OPHN1: variants seen among roughly 807,000 people sequenced by gnomAD.
OPHN1 encodes the protein oligophrenin-1.
A neutral mutation model predicts 60.7 loss-of-function variants in OPHN1; 11 were observed. The observed-to-expected ratio is 0.18, with a 90% confidence interval of 0.11 to 0.30. The LOEUF (loss-of-function observed/expected upper bound fraction) is 0.30. Among genes scored for constraint, OPHN1 ranks in the 10% least tolerant of loss-of-function variants. OPHN1 has a pLI of 1.00. For synonymous variants in OPHN1, 226 were observed against 222.6 expected (o/e 1.02, Z -0.14); for missense variants, 449 against 611.0 (o/e 0.73, Z 2.80).
At chrX:68,159,982 T>C (rs1327068687) in intron 15 of OPHN1, among the ~76,000 whole-genome samples, 1 of 103,011 alleles carries the variant, frequency 9.7e-6, no homozygotes, top group African/African-American at 3.7e-5. Flanking sequence ...GGCACATATT[T>C]TCAGACTGGA....
intron 2 of OPHN1, among the ~76,000 whole-genome samples, chrX:68,327,817 A>T (rs868122803): frequency 1.3e-4 from 12 of 91,183 alleles, no homozygotes; most frequent in South Asian, 4.5e-4. Context: ...AAAAAAAAAA[A>T]TTTTAAACTT....
At chrX:68,317,447 AAG>A (rs1392615351) in intron 2 of OPHN1, among the ~76,000 whole-genome samples, 5 of 97,647 alleles carry the variant, frequency 5.1e-5, no homozygotes, top group Non-Finnish European at 8.2e-5. Flanking sequence ...AGAAAAGAAA[AAG>A]AGAAGAAGAA....
intron 18 of OPHN1, among the ~76,000 whole-genome samples, chrX:68,100,570 A>G (rs1466750266): frequency 9.1e-6 from 1 of 110,414 alleles, no homozygotes; most frequent in African/African-American, 3.3e-5. Flanking sequence ...GGGGTGATGG[A>G]CACATAATAC....
rs180839395 is a variant in OPHN1 at position 68,366,280 on chromosome X, G to A, written c.154+66587C>T. On this transcript the variant is annotated intron_variant, in intron 2 of 24. Transcript: ENST00000355520. Reference sequence around the variant, plus strand: ...CCAGGTGAGGCCTGGCAATCATAGTGATAATGATGGTGATATGATAATTAA... The same window carrying A: ...CCAGGTGAGGCCTGGCAATCATAGTAATAATGATGGTGATATGATAATTAA... Among the ~76,000 whole-genome samples, 224 of 111,044 alleles carry A rather than the reference G, an allele frequency of 2.0e-3. 2 individuals are homozygous for A. Among genetic ancestry groups the A allele is most frequent in the Non-Finnish European group, 1.5e-3 (78 of 53,041 alleles).
At chrX:68,163,203 C>A (rs1050277429) in intron 15 of OPHN1, among the ~76,000 whole-genome samples, 2 of 111,337 alleles carry the variant, frequency 1.8e-5, no homozygotes, top group African/African-American at 6.5e-5. Context: ...TCTTAAAATG[C>A]ACAGTTAGAA....
intron 15 of OPHN1, among the ~76,000 whole-genome samples, chrX:68,166,353 G>A (rs1337269851): frequency 9.1e-6 from 1 of 110,493 alleles, no homozygotes; most frequent in Non-Finnish European, 1.9e-5. Context: ...GGCCAACATG[G>A]TGAAACCCCA....
intron 3 of OPHN1, among the ~76,000 whole-genome samples, chrX:68,289,466 A>G (rs776980667): frequency 2.3e-4 from 26 of 112,406 alleles, no homozygotes; most frequent in Non-Finnish European, 4.5e-4. Flanking sequence ...CTTCCAAACA[A>G]TTGTAAAAAT....
At chrX:68,154,253 C>A (rs1346270726) in intron 15 of OPHN1, among the ~76,000 whole-genome samples, 1 of 112,214 alleles carries the variant, frequency 8.9e-6, no homozygotes, top group African/African-American at 3.2e-5. Flanking sequence ...GAGGCTCAGA[C>A]AGGAGAGCCA....
At chrX:68,142,453 T>A (rs1379561760) in intron 15 of OPHN1, among the ~76,000 whole-genome samples, 1 of 112,144 alleles carries the variant, frequency 8.9e-6, no homozygotes, top group African/African-American at 3.2e-5. Context: ...GTAAACAGCA[T>A]CATTATTGTG....
At chrX:68,152,774 C>G (rs1431790895) in intron 15 of OPHN1, among the ~76,000 whole-genome samples, 1 of 110,697 alleles carries the variant, frequency 9.0e-6, no homozygotes, top group Non-Finnish European at 1.9e-5. Context: ...CTCTTAATAT[C>G]TCCATCCACT....
chrX:68,229,194 C>T (rs926148049), intron 6 of OPHN1, among the ~76,000 whole-genome samples: 1 of 111,310 alleles, frequency 9.0e-6, no homozygotes, highest in Non-Finnish European at 1.9e-5. Flanking sequence ...ACCTAGCAAT[C>T]CAACTTACAA....
At chrX:68,377,825 T>A (rs952441665) in intron 2 of OPHN1, among the ~76,000 whole-genome samples, 1 of 111,989 alleles carries the variant, frequency 8.9e-6, no homozygotes, top group African/African-American at 3.2e-5. Context: ...TAATCCAGTC[T>A]ATCACTGTTG....
At chrX:68,415,037 T>C (rs1348723195) in intron 2 of OPHN1, among the ~76,000 whole-genome samples, 5 of 112,205 alleles carry the variant, frequency 4.5e-5, no homozygotes, top group Non-Finnish European at 9.4e-5. Context: ...ATGGAAGACA[T>C]CTACAAGGCA....
chrX:68,152,968 T>C (rs1171714107), intron 15 of OPHN1, among the ~76,000 whole-genome samples: 1 of 108,492 alleles, frequency 9.2e-6, no homozygotes, highest in Non-Finnish European at 1.9e-5. Flanking sequence ...CCCAGCACTT[T>C]GGGAGGCCAA....
At chrX:68,081,935 A>C (rs1485252363) in intron 19 of OPHN1, among the ~76,000 whole-genome samples, 1 of 112,119 alleles carries the variant, frequency 8.9e-6, no homozygotes, top group East Asian at 2.8e-4. Flanking sequence ...CTCCTCTCAA[A>C]CCCGGCCACT....
intron 2 of OPHN1, 28 bp downstream of exon 2, chrX:68,432,838 GA>G: frequency 2.5e-6 from 3 of 1,208,336 alleles, no homozygotes; most frequent in Non-Finnish European, 3.4e-6. Flanking sequence ...CCAGCTCAGA[GA>G]AACAGCTCAT....
chrX:68,312,801 T>C (rs1218390109), intron 2 of OPHN1, among the ~76,000 whole-genome samples: 1 of 111,482 alleles, frequency 9.0e-6, no homozygotes, highest in Non-Finnish European at 1.9e-5. Flanking sequence ...ACACAAATTA[T>C]TAAAATCAGG....
chrX:68,162,729 G>C (rs1277717407), intron 15 of OPHN1, among the ~76,000 whole-genome samples: 1 of 110,574 alleles, frequency 9.0e-6, no homozygotes, highest in Non-Finnish European at 1.9e-5. Context: ...AGCTGAAAAG[G>C]GTTTTAGGAA....
At chrX:68,286,980 A>T (rs1285913469) in intron 3 of OPHN1, among the ~76,000 whole-genome samples, 1 of 107,204 alleles carries the variant, frequency 9.3e-6, no homozygotes, top group East Asian at 2.9e-4. Context: ...CCACTACTGC[A>T]CTACAGCCTG....
Sources: gnomAD v4.1 joint callset for allele counts (sites outside exome capture counted in the v4.1 genomes callset) on GRCh38, gnomAD v4.1.1 for gene constraint, MANE v1.5 for transcripts, NCBI Gene and HGNC (gene_info 2026-07-23, HGNC 2026-07-21) for gene names.